Variants in C8B observed in about 807,000 individuals in gnomAD.
The protein encoded by C8B is complement C8 beta chain.
In C8B, 67 loss-of-function variants were observed where a neutral mutation model predicts 64.6. The ratio of observed to expected loss-of-function variants is 1.04; its 90% CI spans 0.85 to 1.27. The LOEUF (loss-of-function observed/expected upper bound fraction) is 1.27, where lower values mean the gene tolerates loss of function less well. Ranked by LOEUF, C8B falls within the 50% of genes most tolerant of loss-of-function variation. C8B has a pLI of 0.00. For missense variants in C8B, 790 were observed against 725.2 expected (o/e 1.09, Z -1.03); for synonymous variants, 284 against 257.7 (o/e 1.10, Z -0.98).
chr1:56,953,562 G>A (rs1645057267), intron 4 of C8B, among the ~76,000 whole-genome samples: 1 of 152,152 alleles, frequency 6.6e-6, no homozygotes, highest in East Asian at 1.9e-4. Context: ...TCTGACAGTG[G>A]AGCAAGAACA....
intron 1 of C8B, 88 bp from the exon 2 acceptor site, chr1:56,960,264 A>G: frequency 1.6e-6 from 2 of 1,251,304 alleles, no homozygotes; most frequent in Non-Finnish European, 2.3e-6. Context: ...CAATAAATAT[A>G]TATTTGCTCA....
Position 56,943,531 on chromosome 1 carries a change from G to A in C8B, c.1234+165C>T, listed in dbSNP as rs17301181. ...AAATAAGCAACACTAAGTCATGTTA[G>A]TTAGCGATATGTTAGATGGTAAAAC... On this transcript the variant is annotated intron_variant, in intron 8 of 11. Coordinates refer to ENST00000371237, the MANE Select transcript of C8B (RefSeq NM_000066.4). Among the ~76,000 whole-genome samples the A allele has an allele frequency of 5.7e-3, 867 of 152,320 alleles. 1 individual carries two copies. The highest frequency in any genetic ancestry group is 9.2e-3 in the Non-Finnish European group (623 of 68,032).
intron 9 of C8B, among the ~76,000 whole-genome samples, chr1:56,934,140 CTTTT>C (rs57782394): frequency 1.4e-5 from 2 of 145,956 alleles, no homozygotes; most frequent in Admixed American, 6.9e-5. Flanking sequence ...TCAATACTGT[CTTTT>C]TTTTTTTATG....
intron 5 of C8B, among the ~76,000 whole-genome samples, chr1:56,950,991 C>G (rs545645869): frequency 7.9e-5 from 12 of 152,108 alleles, no homozygotes; most frequent in African/African-American, 2.7e-4. Flanking sequence ...GTGTGTTTGG[C>G]GCTAAGCCAA....
chr1:56,930,593 G>A (rs1644686694), intron 11 of C8B, among the ~76,000 whole-genome samples: 1 of 152,106 alleles, frequency 6.6e-6, no homozygotes, highest in African/African-American at 2.4e-5. Flanking sequence ...AAGAGTGCAG[G>A]CAGGAGTTAC....
intron 2 of C8B, among the ~76,000 whole-genome samples, chr1:56,957,215 G>C (rs1463026714): frequency 6.6e-6 from 1 of 152,188 alleles, no homozygotes; most frequent in African/African-American, 2.4e-5. Flanking sequence ...GGGAAAGTCA[G>C]CCCATGCTGA....
intron 1 of C8B, among the ~76,000 whole-genome samples, chr1:56,961,233 A>G (rs762202184): frequency 8.5e-5 from 13 of 152,194 alleles, no homozygotes; most frequent in Non-Finnish European, 1.3e-4. Context: ...TTACACTGTA[A>G]GATTCTTTGT....
chr1:56,949,840 A>C, intron 5 of C8B, 88 bp from the exon 6 acceptor site: 3 of 873,980 alleles, frequency 3.4e-6, no homozygotes, highest in Non-Finnish European at 5.5e-6. Context: ...TACTCCTACC[A>C]TGTGCTGGAT....
Position 56,959,889 on chromosome 1 carries a change from G to A in C8B, c.249+131C>T. 4.1e-6 allele frequency: 4 copies of A among 979,946 alleles called. No individual in the cohort carries two copies. The Admixed American group carries it at 7.8e-5, about 19-fold the overall frequency. 60.7% of individuals were successfully genotyped at this position (979,946 alleles called of 1,614,324 possible). ...GCTTGGAAGCACAGAAGGAAAGGAT[G>A]CATTTATTAAGTTAGCCGACATTTA... On this transcript the variant is annotated intron_variant, in intron 2 of 11. Transcript: ENST00000371237.
intron 1 of C8B, chr1:56,963,837 T>C: frequency 1.0e-6 from 1 of 984,454 alleles, no homozygotes; most frequent in Non-Finnish European, 1.2e-6. Flanking sequence ...CAATACATAA[T>C]AGGTCTTACG....
chr1:56,943,668 G>A (rs181550283), intron 8 of C8B, 28 bp downstream of exon 8: 678 of 1,613,450 alleles, frequency 4.2e-4, no homozygotes, highest in Non-Finnish European at 5.2e-4. Context: ...CATTATAAGT[G>A]TGGAAGTCAC....
rs1011323446 is a variant in C8B, at chr1:56,960,091, G to A, written c.178C>T (p.Leu60=). Residue 60 remains leucine (L), a synonymous_variant, in exon 2 of 12, where the codon CTG becomes TTG. Coordinates refer to ENST00000371237, the MANE Select transcript of C8B (RefSeq NM_000066.4). The part of the protein sequence containing the change: ...SRQMRSVDVT[L]MPIDCELSSW... ...GACAGCTCACAATCAATGGGCATCA[G>A]GGTAACATCCACACTCCGCATCTGT... The A allele has an allele frequency of 6.8e-6, 11 of 1,613,956 alleles. No homozygotes were observed. The highest frequency in any genetic ancestry group is 9.3e-6 in the Non-Finnish European group (11 of 1,180,018).
rs374155702 is a variant in C8B, at chr1:56,949,569, G to A, written c.850C>T (p.Arg284Ter). 55 of 1,613,128 alleles carry A rather than the reference G, an allele frequency of 3.4e-5. No individual in the cohort carries two copies. The highest frequency in any genetic ancestry group is 1.7e-4 in the Middle Eastern group (1 of 6,060). ...GACATACTTACAGTATGAGAGAATC[G>A]TTTGGTTCTCCTAATATAGTGTTTG... ...RGKHYIRRTK[R>*]FSHTKSVFLH... is the part of the protein sequence containing the mutation. Residue 284 changes from arginine to a stop codon, truncating the protein, a stop_gained, in exon 6 of 12, where the codon CGA becomes TGA. Coordinates refer to ENST00000371237, the MANE Select transcript of C8B (RefSeq NM_000066.4). LOFTEE classifies it high-confidence loss of function.
chr1:56,964,275 C>T (rs1001609293), intron 1 of C8B, among the ~76,000 whole-genome samples: 19 of 152,202 alleles, frequency 1.2e-4, no homozygotes, highest in Non-Finnish European at 2.2e-4. Flanking sequence ...GATCGTGTCA[C>T]TCCTTTGCTT....
intron 9 of C8B, among the ~76,000 whole-genome samples, chr1:56,936,276 T>A (rs1055248267): frequency 4.6e-5 from 7 of 152,228 alleles, no homozygotes; most frequent in African/African-American, 1.7e-4. Flanking sequence ...CCCATTCTAT[T>A]TGACAAAAAT....
chr1:56,940,018 G>A (rs1028457726), intron 9 of C8B, among the ~76,000 whole-genome samples: 2 of 4,266 alleles, frequency 4.7e-4, no homozygotes, highest in Non-Finnish European at 6.6e-4. Context: ...ATAGTTACGT[G>A]TGTGTGTGTG....
At chr1:56,945,757 A>G (rs1394647073) in intron 7 of C8B, 64 bp downstream of exon 7, 46 of 1,604,710 alleles carry the variant, frequency 2.9e-5, no homozygotes, top group Non-Finnish European at 3.8e-5. Context: ...AAAGAAAACT[A>G]CAAGTTCAAC....
At chr1:56,954,604 T>C (rs2101444073) in intron 4 of C8B, 82 bp downstream of exon 4, 1 of 1,550,582 alleles carries the variant, frequency 6.4e-7, no homozygotes, top group Middle Eastern at 1.7e-4. Flanking sequence ...TCTGTTTATA[T>C]CAGTTCTCTC....
At chr1:56,937,542 T>A (rs190972521) in intron 9 of C8B, among the ~76,000 whole-genome samples, 1 of 152,272 alleles carries the variant, frequency 6.6e-6, no homozygotes, top group Admixed American at 6.5e-5. Context: ...TCTACCAGCA[T>A]AGGACCCAGC....
Sources: allele counts gnomAD v4.1 joint callset (sites outside exome capture counted in the v4.1 genomes callset), GRCh38; gene constraint gnomAD v4.1.1; transcripts MANE v1.5; gene names NCBI Gene and HGNC (gene_info 2026-07-23, HGNC 2026-07-21).